The following ZSCAN25 variants were observed in gnomAD, a reference collection of about 807,000 sequenced individuals.
ZSCAN25 encodes zinc finger and SCAN domain-containing protein 25.
Under a neutral mutation model 38.7 loss-of-function variants are expected in ZSCAN25, and 27 were observed. The ratio of observed to expected loss-of-function variants is 0.70; its 90% CI spans 0.51 to 0.96. ZSCAN25 has a LOEUF of 0.96. Ranked by LOEUF, ZSCAN25 falls within the 40% of genes least tolerant of loss-of-function variation. The pLI, the probability that ZSCAN25 is intolerant of heterozygous loss-of-function variation, is 0.00. For synonymous variants in ZSCAN25, 273 were observed against 277.7 expected (o/e 0.98, Z 0.17); for missense variants, 637 against 705.9 (o/e 0.90, Z 1.11).
intron 6 of ZSCAN25, among the ~76,000 whole-genome samples, chr7:99,623,046 T>G (rs904145123): frequency 6.6e-6 from 1 of 152,192 alleles, no homozygotes; most frequent in Non-Finnish European, 1.5e-5. Flanking sequence ...GATCTTGTGA[T>G]CCACCCACTT....
At chr7:99,647,488 CA>C in the ZSCAN25 span, 2 of 985,204 alleles carry the variant, frequency 2.0e-6, no homozygotes, top group Non-Finnish European at 1.2e-6. Flanking sequence ...TGCATTAAGA[CA>C]ATTGGGAGGT....
the ZSCAN25 span, among the ~76,000 whole-genome samples, chr7:99,691,138 T>A: frequency 1.1e-4 from 16 of 152,156 alleles, no homozygotes; most frequent in Non-Finnish European, 2.2e-4. Context: ...TTCATGTCCT[T>A]TGTAGGGACA....
At chr7:99,661,637 G>C in the ZSCAN25 span, among the ~76,000 whole-genome samples, 2 of 152,194 alleles carry the variant, frequency 1.3e-5, no homozygotes, top group Non-Finnish European at 2.9e-5. Context: ...TAAATATGGT[G>C]CCTGCAGCAA....
the ZSCAN25 span, among the ~76,000 whole-genome samples, chr7:99,683,816 A>G: frequency 3.9e-5 from 6 of 152,038 alleles, no homozygotes; most frequent in Non-Finnish European, 7.4e-5. Flanking sequence ...TGGAACCATC[A>G]TGACACTCTC....
the ZSCAN25 span, among the ~76,000 whole-genome samples, chr7:99,656,394 C>T: frequency 6.6e-5 from 10 of 152,054 alleles, no homozygotes; most frequent in African/African-American, 1.7e-4. Context: ...TATTGATTTG[C>T]GTATGTTGAA....
At chr7:99,670,106 C>A in the ZSCAN25 span, among the ~76,000 whole-genome samples, 1 of 152,156 alleles carries the variant, frequency 6.6e-6, no homozygotes, top group African/African-American at 2.4e-5. Flanking sequence ...GCAAGTCATT[C>A]ACTTTTTAGA....
chr7:99,620,172 C>G, intron 4 of ZSCAN25, 179 bp downstream of exon 4: 2 of 874,806 alleles, frequency 2.3e-6, no homozygotes, highest in Non-Finnish European at 3.4e-6. Context: ...AGGCCATTCC[C>G]AGGGGAGATG....
the ZSCAN25 span, among the ~76,000 whole-genome samples, chr7:99,687,167 G>C: frequency 6.6e-6 from 1 of 152,230 alleles, no homozygotes; most frequent in Non-Finnish European, 1.5e-5. Flanking sequence ...AACAAAGCTG[G>C]ATGGAGAATG....
the ZSCAN25 span, among the ~76,000 whole-genome samples, chr7:99,702,533 C>T: frequency 6.6e-6 from 1 of 152,178 alleles, no homozygotes. Context: ...TTCTTGAAAA[C>T]ATTGTCAAAA....
In ZSCAN25 at chr7:99,624,111, C is replaced by T. The variant is rs764634108; in HGVS notation, c.736C>T (p.His246Tyr). The T allele has an allele frequency of 1.2e-6, 2 of 1,614,078 alleles. No homozygotes were observed. The highest frequency in any genetic ancestry group is 1.7e-6 in the Non-Finnish European group (2 of 1,180,020). ...ALAFPEEEWR[H>Y]VTPAQIDCFG... is the part of the protein sequence containing the mutation. ...GGCCTTCCCTGAGGAGGAGTGGAGG[C>T]ATGTGACCCCAGCCCAGATAGACTG... is the stretch of plus-strand genomic sequence containing the variant. The change falls in exon 7 of 8, where the codon CAT (histidine) becomes TAT (tyrosine). Residue 246 changes from histidine (H) to tyrosine (Y), a missense_variant. His to Tyr is a moderately conservative substitution (Grantham distance 83). Transcript: ENST00000394152.
intron 6 of ZSCAN25, among the ~76,000 whole-genome samples, chr7:99,623,604 T>C (rs1437183645): frequency 1.3e-5 from 2 of 152,266 alleles, no homozygotes; most frequent in African/African-American, 2.4e-5. Context: ...TCCCTTTTCC[T>C]GTTCTCCAAG....
At chr7:99,726,179 C>T in the ZSCAN25 span, among the ~76,000 whole-genome samples, 2 of 152,152 alleles carry the variant, frequency 1.3e-5, no homozygotes, top group Admixed American at 1.3e-4. Context: ...GACACCTCTA[C>T]TCCCTCCCTG....
chr7:99,617,917 A>G (rs1320249547), intron 1 of ZSCAN25, among the ~76,000 whole-genome samples: 1 of 152,272 alleles, frequency 6.6e-6, no homozygotes, highest in Non-Finnish European at 1.5e-5. Flanking sequence ...TAAATGCACT[A>G]GTGGAGTGAA....
the ZSCAN25 span, among the ~76,000 whole-genome samples, chr7:99,725,486 T>TC: frequency 6.6e-6 from 1 of 152,114 alleles, no homozygotes; most frequent in Non-Finnish European, 1.5e-5. Flanking sequence ...CTTCAGAACA[T>TC]CCAAGCCACA....
At position 99,632,336 on chromosome 7, in the gene ZSCAN25, A is replaced by C; in HGVS notation, c.*2316A>C. ...CTTTAGAAATTTTTTTATAATAGAT[A>C]ATTTCAAACCTATATAAATAAATCC... On this transcript the variant is annotated 3_prime_UTR_variant, in exon 8 of 8. Coordinates refer to ENST00000394152, the MANE Select transcript of ZSCAN25 (RefSeq NM_145115.3). 1 of 742,824 alleles carries C rather than the reference A, an allele frequency of 1.3e-6. No homozygotes were observed. The highest frequency in any genetic ancestry group is 2.0e-5 in the African/African-American group (1 of 50,920). 46.0% of individuals were successfully genotyped at this position (742,824 alleles called of 1,614,324 possible).
At chr7:99,665,210 T>A in the ZSCAN25 span, 1 of 1,614,020 alleles carries the variant, frequency 6.2e-7, no homozygotes, top group Non-Finnish European at 8.5e-7. Context: ...TTTTAGGAAC[T>A]TCTTAGTGCT....
At chr7:99,688,904 C>G in the ZSCAN25 span, among the ~76,000 whole-genome samples, 8 of 152,222 alleles carry the variant, frequency 5.3e-5, no homozygotes, top group Admixed American at 5.2e-4. Flanking sequence ...GAACAACCTG[C>G]TCTGGAATGA....
chr7:99,722,718 G>A, the ZSCAN25 span, among the ~76,000 whole-genome samples: 2,042 of 152,308 alleles, frequency 0.013, 14 homozygotes, highest in Non-Finnish European at 0.022. Context: ...GAGGGAATGT[G>A]AGTGAGCGCC....
chr7:99,658,686 T>C, the ZSCAN25 span: 2 of 152,250 alleles, frequency 1.3e-5, no homozygotes, highest in Admixed American at 6.5e-5. Flanking sequence ...TTTTCCAACT[T>C]CGTTCTATTC....
Sources: gnomAD v4.1 joint callset for allele counts (sites outside exome capture counted in the v4.1 genomes callset) on GRCh38, gnomAD v4.1.1 for gene constraint, MANE v1.5 for transcripts, NCBI Gene and HGNC (gene_info 2026-07-23, HGNC 2026-07-21) for gene names.